FAM135A: variants seen among roughly 807,000 people sequenced by gnomAD.
FAM135A encodes the protein protein FAM135A.
A neutral mutation model predicts 146.8 loss-of-function variants in FAM135A; 79 were observed. That is an observed-to-expected ratio of 0.54 (90% CI 0.45 to 0.65). The LOEUF (loss-of-function observed/expected upper bound fraction) is 0.65. FAM135A is among the 30% of genes least tolerant of loss of function. The pLI is 0.00. For missense variants in FAM135A, 1,623 were observed against 1,758.2 expected, an observed-to-expected ratio of 0.92 and a Z score of 1.38; for synonymous variants, 562 against 603.6, an observed-to-expected ratio of 0.93 and a Z score of 1.01.
chr6:70,536,216 A>T, intron 18 of FAM135A, 44 bp from the exon 19 acceptor site: 2 of 1,530,824 alleles, frequency 1.3e-6, no homozygotes, highest in Non-Finnish European at 1.8e-6. Flanking sequence ...TTTTGTTTCT[A>T]AAACTAATGC....
intron 5 of FAM135A, among the ~76,000 whole-genome samples, chr6:70,452,928 A>G (rs1777450785): frequency 6.6e-6 from 1 of 152,164 alleles, no homozygotes; most frequent in South Asian, 2.1e-4. Context: ...GTTTTATGGT[A>G]TGCATTTTGA....
intron 12 of FAM135A, chr6:70,504,145 C>T (rs2639295): frequency 0.34 from 51,747 of 152,076 alleles, 11,025 homozygotes; most frequent in East Asian, 0.53. Flanking sequence ...TACTGGCAAG[C>T]TTTTTAAACT....
At chr6:70,555,176 A>G (rs1800594481) in intron 20 of FAM135A, among the ~76,000 whole-genome samples, 1 of 152,198 alleles carries the variant, frequency 6.6e-6, no homozygotes. Flanking sequence ...TGGAGAGATA[A>G]TATCTTTCTC....
At chr6:70,437,690 G>A (rs1416808494) in intron 4 of FAM135A, among the ~76,000 whole-genome samples, 2 of 152,100 alleles carry the variant, frequency 1.3e-5, no homozygotes, top group Non-Finnish European at 2.9e-5. Context: ...TCCAGAGCAC[G>A]ATGGGAGAGA....
At chr6:70,464,667 C>CT (rs533623758) in intron 5 of FAM135A, among the ~76,000 whole-genome samples, 10,174 of 99,292 alleles carry the variant, frequency 0.1, 623 homozygotes, top group Non-Finnish European at 0.17. Context: ...TCTTTTTTTT[C>CT]TTTTTTTTTT....
chr6:70,509,485 T>C (rs1404560504), intron 12 of FAM135A, among the ~76,000 whole-genome samples: 1 of 152,180 alleles, frequency 6.6e-6, no homozygotes, highest in African/African-American at 2.4e-5. Flanking sequence ...CATCTAAAAA[T>C]TGAAAGGAGA....
At chr6:70,443,921 TC>T (rs1775123883) in intron 4 of FAM135A, among the ~76,000 whole-genome samples, 1 of 152,202 alleles carries the variant, frequency 6.6e-6, no homozygotes, top group Admixed American at 6.5e-5. Context: ...TTCCATACTA[TC>T]TTGTCAGCTC....
chr6:70,455,589 G>A (rs1778171115), intron 5 of FAM135A, among the ~76,000 whole-genome samples: 2 of 151,976 alleles, frequency 1.3e-5, no homozygotes, highest in African/African-American at 4.8e-5. Flanking sequence ...ATAAAACAAG[G>A]TGACATGACA....
intron 18 of FAM135A, among the ~76,000 whole-genome samples, chr6:70,535,002 G>A (rs1796544748): frequency 1.3e-5 from 2 of 152,096 alleles, no homozygotes; most frequent in Admixed American, 1.3e-4. Context: ...TTAAAATCTT[G>A]TTAGCTTTTA....
intron 20 of FAM135A, among the ~76,000 whole-genome samples, chr6:70,554,896 T>C (rs1800541315): frequency 6.6e-6 from 1 of 152,174 alleles, no homozygotes; most frequent in African/African-American, 2.4e-5. Flanking sequence ...AGTGCTGGGA[T>C]TATAGGAGTG....
intron 19 of FAM135A, among the ~76,000 whole-genome samples, chr6:70,537,214 G>A (rs2128422451): frequency 6.6e-6 from 1 of 152,260 alleles, no homozygotes; most frequent in East Asian, 1.9e-4. Context: ...GATTACAGGT[G>A]TGAGCCACTG....
intron 12 of FAM135A, chr6:70,504,485 C>T (rs1220050658): frequency 6.6e-6 from 1 of 152,112 alleles, no homozygotes; most frequent in Non-Finnish European, 1.5e-5. Context: ...AAAGGCCAGA[C>T]ATGGACATAG....
chr6:70,552,800 A>G (rs547198696), intron 20 of FAM135A, among the ~76,000 whole-genome samples: 1 of 152,196 alleles, frequency 6.6e-6, no homozygotes, highest in Non-Finnish European at 1.5e-5. Context: ...AAAAAAGGGT[A>G]GGGAGAGAGA....
At chr6:70,503,905 CT>C (rs1346528337) in intron 12 of FAM135A, 1 of 152,136 alleles carries the variant, frequency 6.6e-6, no homozygotes, top group Admixed American at 6.5e-5. Context: ...TTGATAGATT[CT>C]TGGATTACTT....
intron 5 of FAM135A, among the ~76,000 whole-genome samples, chr6:70,457,542 A>C (rs1211682396): frequency 1.3e-5 from 2 of 152,226 alleles, no homozygotes; most frequent in Non-Finnish European, 2.9e-5. Context: ...TACTCACCAG[A>C]AAAGTGGACA....
chr6:70,490,874 C>G (rs976479483), intron 10 of FAM135A, among the ~76,000 whole-genome samples, 160 bp from the exon 11 acceptor site: 1 of 151,806 alleles, frequency 6.6e-6, no homozygotes, highest in Non-Finnish European at 1.5e-5. Context: ...AATCACATTA[C>G]CTATGTAATT....
chr6:70,438,767 C>G (rs1032307376), intron 4 of FAM135A, among the ~76,000 whole-genome samples: 1 of 152,180 alleles, frequency 6.6e-6, no homozygotes, highest in Non-Finnish European at 1.5e-5. Context: ...AATGAATTAT[C>G]TGTGACGTTG....
In FAM135A at chr6:70,491,050, A is replaced by C. The variant is rs146438495; in HGVS notation, c.840A>C (p.Glu280Asp). The C allele has an allele frequency of 1.4e-5, 22 of 1,601,764 alleles. No homozygotes were observed. The South Asian group carries it at 2.5e-4, about 18-fold the overall frequency. The change falls in exon 11 of 22, where the codon GAA becomes GAC. Residue 280 changes from glutamate to aspartate, a missense_variant. Coordinates refer to ENST00000418814, the MANE Select transcript of FAM135A (RefSeq NM_001162529.3). ...QKLELEEMDV[E>D]ARLTELCEEV... ...TCCTTCCAGAGGAAATGGATGTAGAAGCTCGACTTACTGAACTATGTGAAG... is the reference window on the plus strand; with the variant it reads ...TCCTTCCAGAGGAAATGGATGTAGACGCTCGACTTACTGAACTATGTGAAG...
At chr6:70,559,634 A>G in intron 21 of FAM135A, 82 bp from the exon 22 acceptor site, 2 of 1,158,438 alleles carry the variant, frequency 1.7e-6, no homozygotes, top group South Asian at 3.3e-5. Context: ...TAAATTTTAT[A>G]ACTTATCTAA....
Sources: allele counts gnomAD v4.1 joint callset (sites outside exome capture counted in the v4.1 genomes callset), GRCh38; gene constraint gnomAD v4.1.1; transcripts MANE v1.5; gene names NCBI Gene and HGNC (gene_info 2026-07-23, HGNC 2026-07-21).